Variants in TMEM236 observed in about 807,000 individuals in gnomAD.
TMEM236 encodes transmembrane protein 236.
A neutral mutation model predicts 14.7 loss-of-function variants in TMEM236; 11 were observed. The ratio of observed to expected loss-of-function variants is 0.75; its 90% CI spans 0.47 to 1.24. TMEM236 has a LOEUF of 1.24. Ranked by LOEUF, TMEM236 falls within the 50% of genes most tolerant of loss-of-function variation. TMEM236 has a pLI of 0.00. For missense variants in TMEM236, 464 were observed against 427.3 expected (o/e 1.09, Z -0.76); for synonymous variants, 182 against 168.6 (o/e 1.08, Z -0.62).
intron 3 of TMEM236, among the ~76,000 whole-genome samples, chr10:17,779,104 T>C (rs1206688438): frequency 6.6e-6 from 1 of 152,212 alleles, no homozygotes; most frequent in East Asian, 1.9e-4. Context: ...ATACAAAGGA[T>C]AGCCTGTGGG....
At chr10:17,765,065 C>T (rs936000916) in intron 1 of TMEM236, among the ~76,000 whole-genome samples, 56 of 152,020 alleles carry the variant, frequency 3.7e-4, no homozygotes, top group African/African-American at 1.1e-3. Flanking sequence ...TGTGATCTGC[C>T]CACCTCAGTC....
chr10:17,775,494 C>G (rs904889268), intron 2 of TMEM236, among the ~76,000 whole-genome samples: 1 of 152,126 alleles, frequency 6.6e-6, no homozygotes, highest in Non-Finnish European at 1.5e-5. Flanking sequence ...AGGTTGGTCT[C>G]GAGCTCCAGG....
At chr10:17,761,599 C>A (rs1486288942) in intron 1 of TMEM236, among the ~76,000 whole-genome samples, 3 of 148,148 alleles carry the variant, frequency 2.0e-5, no homozygotes, top group Non-Finnish European at 4.4e-5. Flanking sequence ...GAGGCTGAGG[C>A]AGGAGAATCG....
chr10:17,785,752 G>A (rs1013902618), intron 3 of TMEM236, among the ~76,000 whole-genome samples: 27,144 of 152,010 alleles, frequency 0.18, 3,118 homozygotes, highest in Non-Finnish European at 0.26. Context: ...ACCGGGGGGG[G>A]ATATTTCCTT....
At chr10:17,787,691 G>T (rs1837861607) in intron 3 of TMEM236, among the ~76,000 whole-genome samples, 2 of 152,178 alleles carry the variant, frequency 1.3e-5, no homozygotes, top group African/African-American at 2.4e-5. Flanking sequence ...GGTGCTGGGG[G>T]TACAAAGCTG....
At position 17,782,596 on chromosome 10, in the gene TMEM236, C is replaced by T. The variant is rs889445417; in HGVS notation, c.472+6426C>T. Among the ~76,000 whole-genome samples the T allele has an allele frequency of 7.3e-4, 111 of 152,116 alleles. 1 individual carries two copies. The highest frequency in any genetic ancestry group is 2.6e-3 in the African/African-American group (109 of 41,498). On this transcript the variant is annotated intron_variant, in intron 3 of 3. Transcript: ENST00000377495. The stretch of plus-strand genomic sequence containing the variant: ...CCTCCCGAGTAGCTGGGACTACAGC[C>T]GTGCACCACCACGTCCCTCTAATTT...
chr10:17,771,268 T>G (rs10508546), intron 1 of TMEM236, 41 bp from the exon 2 acceptor site: 50,685 of 1,579,420 alleles, frequency 0.032, 2,167 homozygotes, highest in East Asian at 0.21. Context: ...ACTGTCGATC[T>G]TGTCCATGAT....
chr10:17,794,942 C>T (rs1422628121), intron 3 of TMEM236, among the ~76,000 whole-genome samples: 2 of 152,094 alleles, frequency 1.3e-5, no homozygotes, highest in Admixed American at 6.5e-5. Flanking sequence ...GCAGGAGAAT[C>T]GCTTGAACCC....
chr10:17,774,029 T>TTTGTTTG (rs1554835038), intron 2 of TMEM236, among the ~76,000 whole-genome samples: 9 of 133,494 alleles, frequency 6.7e-5, no homozygotes, highest in African/African-American at 1.0e-4. Flanking sequence ...ATATATATAT[T>TTTGTTTG]TTTGTTTGTT....
chr10:17,792,787 C>G (rs1837947850), intron 3 of TMEM236, among the ~76,000 whole-genome samples: 1 of 152,198 alleles, frequency 6.6e-6, no homozygotes. Flanking sequence ...ATAGATTTTG[C>G]ACCAATGAAT....
At chr10:17,768,487 T>C (rs1329387669) in intron 1 of TMEM236, among the ~76,000 whole-genome samples, 1 of 152,212 alleles carries the variant, frequency 6.6e-6, no homozygotes, top group East Asian at 1.9e-4. Context: ...TTTATTTTAC[T>C]CATTTAAAAA....
chr10:17,770,850 G>A (rs1020360475), intron 1 of TMEM236, among the ~76,000 whole-genome samples: 2 of 117,272 alleles, frequency 1.7e-5, no homozygotes, highest in African/African-American at 5.5e-5. Context: ...GTAAAAAAAT[G>A]TAAATGTTTT....
intron 3 of TMEM236, among the ~76,000 whole-genome samples, chr10:17,781,298 C>T (rs1419160663): frequency 2.0e-5 from 3 of 152,192 alleles, no homozygotes; most frequent in African/African-American, 7.2e-5. Context: ...TTCTTCTTAA[C>T]TCCTATATCA....
Position 17,798,555 on chromosome 10 carries a change from T to A in TMEM236, c.*2051T>A. On this transcript the variant is annotated 3_prime_UTR_variant, in exon 4 of 4. Transcript: ENST00000377495. The stretch of plus-strand genomic sequence containing the variant: ...CCCATCTAAAAAAAATAAAAGAGAA[T>A]TTGACGTTGTGTTATTCTACGCTCC... The A allele has an allele frequency of 7.5e-6, 4 of 534,270 alleles. No individual in the cohort carries two copies. The allele number at this position is 534,270 out of a possible 1,614,324, so 33.1% of individuals were successfully genotyped here.
chr10:17,768,159 C>A (rs959301602), intron 1 of TMEM236, among the ~76,000 whole-genome samples: 1 of 134,156 alleles, frequency 7.5e-6, no homozygotes, highest in South Asian at 2.4e-4. Context: ...AACTCCTGGG[C>A]TCGAGTGATC....
chr10:17,755,803 G>T (rs1837276841), intron 1 of TMEM236, among the ~76,000 whole-genome samples: 1 of 152,106 alleles, frequency 6.6e-6, no homozygotes. Context: ...TTGTATTTTG[G>T]TTTTTTGTTT....
intron 3 of TMEM236, among the ~76,000 whole-genome samples, chr10:17,790,435 A>C (rs1484928902): frequency 6.6e-6 from 1 of 152,176 alleles, no homozygotes; most frequent in Admixed American, 6.5e-5. Context: ...GTGAGCCTGT[A>C]GTCCCAGATA....
chr10:17,780,142 C>A (rs1272810127), intron 3 of TMEM236, among the ~76,000 whole-genome samples: 1 of 152,138 alleles, frequency 6.6e-6, no homozygotes, highest in Non-Finnish European at 1.5e-5. Context: ...CCCCTGGAAA[C>A]CACCATTTCC....
chr10:17,791,966 C>G (rs1244928076), intron 3 of TMEM236, among the ~76,000 whole-genome samples: 1 of 152,178 alleles, frequency 6.6e-6, no homozygotes, highest in Non-Finnish European at 1.5e-5. Context: ...GTACGGCACT[C>G]TCATATTTGC....
Sources: gnomAD v4.1 joint callset for allele counts (sites outside exome capture counted in the v4.1 genomes callset) on GRCh38, gnomAD v4.1.1 for gene constraint, MANE v1.5 for transcripts, NCBI Gene and HGNC (gene_info 2026-07-23, HGNC 2026-07-21) for gene names.